The following PVT1 variants were observed in gnomAD, a reference collection of about 807,000 sequenced individuals.
The protein encoded by PVT1 is CXCR4/PVT1 fusion.
At chr8:127,893,819 A>G (rs1174500038) in intron 3 of PVT1, among the ~76,000 whole-genome samples, 1 of 152,178 alleles carries the variant, frequency 6.6e-6, no homozygotes, top group Non-Finnish European at 1.5e-5. Flanking sequence ...GCACTGTATC[A>G]CTTACTCTGG....
At chr8:128,074,363 A>T (rs1586508467) in intron 5 of PVT1, among the ~76,000 whole-genome samples, 1 of 25,656 alleles carries the variant, frequency 3.9e-5, no homozygotes, top group Admixed American at 6.4e-4. Context: ...AAATAAAAAT[A>T]AAAAAAAAAA....
At chr8:127,842,860 G>A (rs1047264735) in intron 2 of PVT1, among the ~76,000 whole-genome samples, 3 of 152,204 alleles carry the variant, frequency 2.0e-5, no homozygotes, top group African/African-American at 7.2e-5. Context: ...GGGGTTGAAT[G>A]AGGTGGCCTT....
intron 3 of PVT1, among the ~76,000 whole-genome samples, chr8:127,903,114 T>C (rs577759272): frequency 6.6e-6 from 1 of 152,362 alleles, no homozygotes; most frequent in Admixed American, 6.5e-5. Flanking sequence ...TTTTGACTTT[T>C]TAATGAAAAC....
At chr8:127,799,691 G>A (rs73710026) in intron 2 of PVT1, among the ~76,000 whole-genome samples, 7 of 152,308 alleles carry the variant, frequency 4.6e-5, no homozygotes, top group African/African-American at 1.2e-4. Flanking sequence ...CTGTGATGAC[G>A]AAAGAGATGA....
At chr8:127,799,118 T>A (rs904235512) in intron 2 of PVT1, among the ~76,000 whole-genome samples, 1 of 151,850 alleles carries the variant, frequency 6.6e-6, no homozygotes, top group South Asian at 2.1e-4. Flanking sequence ...TTTTTGTGTG[T>A]GTGTGGAGTT....
chr8:128,012,424 A>C (rs771333623), intron 4 of PVT1, among the ~76,000 whole-genome samples: 3 of 152,190 alleles, frequency 2.0e-5, no homozygotes, highest in African/African-American at 4.8e-5. Context: ...CCTTAGAACC[A>C]GCTTTTATTG....
At chr8:127,835,530 G>A (rs1304945296) in intron 2 of PVT1, among the ~76,000 whole-genome samples, 1 of 152,086 alleles carries the variant, frequency 6.6e-6, no homozygotes, top group African/African-American at 2.4e-5. Flanking sequence ...GGGTTGATGG[G>A]TGCAGCAAAC....
At chr8:127,913,861 T>G (rs944704376) in intron 3 of PVT1, among the ~76,000 whole-genome samples, 1 of 151,978 alleles carries the variant, frequency 6.6e-6, no homozygotes, top group Non-Finnish European at 1.5e-5. Context: ...CCTGGACATC[T>G]CCAGGGGCTC....
At chr8:127,839,848 G>T (rs1484828929) in intron 2 of PVT1, among the ~76,000 whole-genome samples, 1 of 152,140 alleles carries the variant, frequency 6.6e-6, no homozygotes, top group Non-Finnish European at 1.5e-5. Flanking sequence ...GCTGCAGTGT[G>T]GGGTACCCAG....
chr8:127,929,722 C>T (rs368112036), intron 3 of PVT1, among the ~76,000 whole-genome samples: 5 of 151,636 alleles, frequency 3.3e-5, no homozygotes, highest in African/African-American at 7.3e-5. Flanking sequence ...GAGCCGAGAT[C>T]GCACCACTGG....
intron 3 of PVT1, among the ~76,000 whole-genome samples, chr8:127,924,543 ACT>A (rs1393526458): frequency 9.2e-6 from 1 of 109,172 alleles, no homozygotes; most frequent in Non-Finnish European, 1.8e-5. Flanking sequence ...ACAGAGTCTC[ACT>A]CTGTTGCCCA....
At chr8:127,832,425 A>C (rs551432528) in intron 2 of PVT1, among the ~76,000 whole-genome samples, 2 of 152,234 alleles carry the variant, frequency 1.3e-5, no homozygotes, top group Non-Finnish European at 2.9e-5. Context: ...ATAAGGTATC[A>C]TCAACAGGCA....
At chr8:127,887,367 A>T (rs2129796285) in intron 2 of PVT1, among the ~76,000 whole-genome samples, 1 of 152,300 alleles carries the variant, frequency 6.6e-6, no homozygotes, top group East Asian at 1.9e-4. Context: ...ACTTTTGGTC[A>T]TCAGGTGCCT....
chr8:128,047,009 T>C (rs1291420623), intron 4 of PVT1, among the ~76,000 whole-genome samples: 2 of 152,348 alleles, frequency 1.3e-5, no homozygotes, highest in Non-Finnish European at 2.9e-5. Flanking sequence ...GATGTCCTCT[T>C]GTCTGAGGTT....
chr8:128,007,955 G>C (rs1395207343), intron 4 of PVT1, among the ~76,000 whole-genome samples: 1 of 152,164 alleles, frequency 6.6e-6, no homozygotes, highest in East Asian at 1.9e-4. Context: ...TGACAGTAAT[G>C]CTAGTTGACT....
chr8:127,952,340 C>G (rs1586452585), intron 3 of PVT1, among the ~76,000 whole-genome samples: 1 of 152,164 alleles, frequency 6.6e-6, no homozygotes, highest in East Asian at 1.9e-4. Flanking sequence ...GTTAAACTGT[C>G]TAAGAAGCTA....
intron 3 of PVT1, among the ~76,000 whole-genome samples, chr8:127,931,878 G>A (rs1816210034): frequency 6.6e-6 from 1 of 152,260 alleles, no homozygotes; most frequent in African/African-American, 2.4e-5. Flanking sequence ...TGAGAGGGGT[G>A]CCTATTATGT....
intron 2 of PVT1, among the ~76,000 whole-genome samples, chr8:127,853,552 T>C (rs1406456907): frequency 1.3e-5 from 2 of 152,112 alleles, no homozygotes; most frequent in Non-Finnish European, 2.9e-5. Context: ...AGATCAAAGC[T>C]GGGGGATCAC....
At chr8:128,006,733 A>G (rs1315818892) in intron 4 of PVT1, among the ~76,000 whole-genome samples, 3 of 152,148 alleles carry the variant, frequency 2.0e-5, no homozygotes, top group Non-Finnish European at 2.9e-5. Flanking sequence ...AAAAAATGCA[A>G]TTTTTTAAAA....
Sources: allele counts gnomAD v4.1 joint callset (sites outside exome capture counted in the v4.1 genomes callset), GRCh38; gene constraint gnomAD v4.1.1; transcripts MANE v1.5; gene names NCBI Gene and HGNC (gene_info 2026-07-23, HGNC 2026-07-21).